Variants in PRRC2C observed in about 807,000 individuals in gnomAD.
PRRC2C encodes the protein proline rich coiled-coil 2C, also known as protein PRRC2C.
In PRRC2C, 72 loss-of-function variants were observed where a neutral mutation model predicts 317.2. The observed-to-expected ratio is 0.23, with a 90% CI of 0.19 to 0.28. The LOEUF is 0.28. PRRC2C is among the 10% of genes least tolerant of loss of function. The pLI is 1.00. For missense variants in PRRC2C, 3,074 were observed against 3,459.7 expected, an observed-to-expected ratio of 0.89 and a Z score of 2.80; for synonymous variants, 1,296 against 1,205.9, an observed-to-expected ratio of 1.07 and a Z score of -1.55.
chr1:171,582,577 C>A lies in PRRC2C; in HGVS notation c.7410-1379C>A, dbSNP rs1648886787. Among the ~76,000 whole-genome samples the A allele has an allele frequency of 3.3e-5, 5 of 152,130 alleles. No homozygotes were observed. The South Asian group carries it at 1.0e-3, about 32-fold the overall frequency. On this transcript the variant is annotated intron_variant, in intron 28 of 34. Transcript: ENST00000647382. ...CTATTGTGTCTAATTAGGCTATAAACCCGTGCAGCATTTTACTGTACTTAA... is the reference window on the plus strand; with the variant it reads ...CTATTGTGTCTAATTAGGCTATAAAACCGTGCAGCATTTTACTGTACTTAA...
chr1:171,540,939 G>C lies in PRRC2C; in HGVS notation c.3473G>C (p.Arg1158Thr). ...LVIERPRPDS[R>T]PAVKKESTLP... ...ATAGAGAGGCCTCGACCAGATTCAA[G>C]ACCAGCAGTTAAAAAAGAATCAACT... The change falls in exon 16 of 35, where the codon AGA (arginine) becomes ACA (threonine). Residue 1158 changes from arginine (R) to threonine (T), a missense_variant. Arg to Thr is a moderately conservative substitution (Grantham distance 71, BLOSUM62 -1). Coordinates refer to ENST00000647382, the MANE Select transcript of PRRC2C (RefSeq NM_001387844.1). 1 of 1,613,842 alleles carries C rather than the reference G, an allele frequency of 6.2e-7. No homozygotes were observed. Among genetic ancestry groups the C allele is most frequent in the Non-Finnish European group, 8.5e-7 (1 of 1,179,846 alleles).
At chr1:171,496,479 A>C (rs1353207157) in intron 1 of PRRC2C, among the ~76,000 whole-genome samples, 1 of 152,148 alleles carries the variant, frequency 6.6e-6, no homozygotes, top group Non-Finnish European at 1.5e-5. Flanking sequence ...CTAGGATTAC[A>C]GATGTGAGCC....
In PRRC2C at chr1:171,583,898, T is replaced by A. The variant is rs186123644; in HGVS notation, c.7410-58T>A. The A allele has an allele frequency of 1.1e-3, 1,556 of 1,457,522 alleles. 6 individuals are homozygous for A. Among genetic ancestry groups the A allele is most frequent in the Non-Finnish European group, 1.2e-3 (1,277 of 1,054,710 alleles). 90.3% of individuals were successfully genotyped at this position (1,457,522 alleles called of 1,614,324 possible). A position where few individuals can be genotyped will look rare whatever the true frequency, so the allele number is the denominator to read the frequency against. On this transcript the variant is annotated intron_variant, in intron 28 of 34. Transcript: ENST00000647382. ...CATTTGGGATTTGCATTCTTAAGAT[T>A]TTCAGATTCCAGATGAAATTAACTT...
rs775939341 is a variant in PRRC2C, at chr1:171,587,679, G to A, written c.8000G>A (p.Ser2667Asn). ...MSEMELKAFG[S>N]GIDIKPGTPP... ...GAAATGGAACTAAAAGCCTTTGGAA[G>A]TGGCATTGATATAAAACCAGGCACA... Residue 2667 changes from serine to asparagine, a missense_variant, in exon 32 of 35, where the codon AGT becomes AAT. Transcript: ENST00000647382. 2 of 1,612,990 alleles carry A rather than the reference G, an allele frequency of 1.2e-6. No individual in the cohort carries two copies. Among genetic ancestry groups the A allele is most frequent in the Non-Finnish European group, 1.7e-6 (2 of 1,179,082 alleles).
intron 6 of PRRC2C, 86 bp from the exon 7 acceptor site, chr1:171,522,091 C>G (rs530272739): frequency 4.2e-5 from 23 of 546,418 alleles, no homozygotes; most frequent in Non-Finnish European, 6.9e-5. Flanking sequence ...TAACTTCAGG[C>G]CTAGGCTCAG....
At position 171,517,788 on chromosome 1, in the gene PRRC2C, C is replaced by G; in HGVS notation, c.724C>G (p.Gln242Glu). ...LNGQQAALAS[Q>E]YRAMMPPYMF... ...TGGACAGCAGGCTGCTCTCGCTTCC[C>G]AGTATAGAGCTATGATGCCTCCTTA... is the stretch of plus-strand genomic sequence containing the variant. Residue 242 changes from glutamine (Q) to glutamate (E), a missense_variant, in exon 6 of 35, where the codon CAG (glutamine) becomes GAG (glutamate). By Grantham distance (29) the Gln-to-Glu change is conservative. This residue lies in a region of PRRC2C where 237 missense variants were observed against 199.5 expected (regional missense o/e 1.19). Coordinates refer to ENST00000647382, the MANE Select transcript of PRRC2C (RefSeq NM_001387844.1). 6.2e-7 allele frequency: 1 copy of G among 1,613,280 alleles called. No homozygotes were observed. The highest frequency in any genetic ancestry group is 8.5e-7 in the Non-Finnish European group (1 of 1,179,814).
At chr1:171,495,824 C>T (rs1393685044) in intron 1 of PRRC2C, among the ~76,000 whole-genome samples, 2 of 152,018 alleles carry the variant, frequency 1.3e-5, no homozygotes, top group Non-Finnish European at 2.9e-5. Context: ...GTTCAGGCTG[C>T]CATAACAAAA....
chr1:171,572,858 T>C (rs1488211947), intron 24 of PRRC2C, among the ~76,000 whole-genome samples: 2 of 152,258 alleles, frequency 1.3e-5, no homozygotes, highest in African/African-American at 4.8e-5. Flanking sequence ...AGAAGAAATA[T>C]ACACATTGAG....
intron 11 of PRRC2C, among the ~76,000 whole-genome samples, chr1:171,530,809 T>C (rs1465716856): frequency 1.3e-5 from 2 of 152,182 alleles, no homozygotes; most frequent in East Asian, 1.9e-4. Flanking sequence ...TGGAAAACCT[T>C]ATAACCACTT....
At chr1:171,509,844 CTTTTTTTTTTTTTTTTT>C (rs11363110) in intron 1 of PRRC2C, 5 of 59,770 alleles carry the variant, frequency 8.4e-5, no homozygotes, top group Non-Finnish European at 1.1e-4. Flanking sequence ...AACATTGTTT[CTTTTTTTTTTTTTTTTT>C]TTTTTTTTGA....
At position 171,493,159 on chromosome 1, in the gene PRRC2C, A is replaced by C. The variant is rs187515049; in HGVS notation, c.-58+7424A>C. ...GTGGTAGAAGAAGAGGGCCAATGAT[A>C]CGGAGGGATGTTAACCAATTCTCTA... On this transcript the variant is annotated intron_variant, in intron 1 of 34. Coordinates refer to ENST00000647382, the MANE Select transcript of PRRC2C (RefSeq NM_001387844.1). Among the ~76,000 whole-genome samples, 37 of 152,316 alleles carry C rather than the reference A, an allele frequency of 2.4e-4. No individual in the cohort carries two copies. In the East Asian group the frequency reaches 7.1e-3, roughly 29 times the overall value.
chr1:171,576,302 G>C (rs972340396), intron 25 of PRRC2C, among the ~76,000 whole-genome samples: 3 of 152,034 alleles, frequency 2.0e-5, no homozygotes, highest in African/African-American at 7.2e-5. Flanking sequence ...CAACTAACCC[G>C]TTTCCCCAGG....
intron 1 of PRRC2C, among the ~76,000 whole-genome samples, chr1:171,507,197 A>T (rs1468264871): frequency 6.6e-6 from 1 of 152,184 alleles, no homozygotes; most frequent in African/African-American, 2.4e-5. Flanking sequence ...CTTGGGCAAC[A>T]TAGTGAGACT....
intron 34 of PRRC2C, 135 bp downstream of exon 34, chr1:171,589,740 A>C: frequency 2.4e-6 from 1 of 425,148 alleles, no homozygotes; most frequent in Non-Finnish European, 3.7e-6. Flanking sequence ...ACTTTTATTC[A>C]TTCCCCCTTT....
At chr1:171,551,894 A>G (rs946009942) in intron 18 of PRRC2C, among the ~76,000 whole-genome samples, 2 of 152,170 alleles carry the variant, frequency 1.3e-5, no homozygotes, top group Non-Finnish European at 2.9e-5. Flanking sequence ...GTCAGGTAGC[A>G]TGATGCCTCC....
chr1:171,559,681 C>T (rs1682274575), intron 19 of PRRC2C, among the ~76,000 whole-genome samples: 1 of 151,982 alleles, frequency 6.6e-6, no homozygotes, highest in African/African-American at 2.4e-5. Context: ...GTCACCATGC[C>T]TGGCTAATTT....
chr1:171,571,211 C>T, intron 23 of PRRC2C, 109 bp from the exon 24 acceptor site: 2 of 573,878 alleles, frequency 3.5e-6, no homozygotes, highest in East Asian at 3.0e-5. Context: ...TTTCTGTTAG[C>T]TCTGATGAAA....
Position 171,566,804 on chromosome 1 carries a change from G to A in PRRC2C, c.6519G>A (p.Met2173Ile). The A allele has an allele frequency of 6.2e-7, 1 of 1,613,776 alleles. No individual in the cohort carries two copies. Among genetic ancestry groups the A allele is most frequent in the Non-Finnish European group, 8.5e-7 (1 of 1,179,842 alleles). ...AAATGTCTACTGAAATAGGAACAATGATCTCGGTATCATCTGCAGAATATG... is the reference window on the plus strand; with the variant it reads ...AAATGTCTACTGAAATAGGAACAATAATCTCGGTATCATCTGCAGAATATG... ...VSEMSTEIGT[M>I]ISVSSAEYGT... Residue 2173 changes from methionine (M) to isoleucine (I), a missense_variant, in exon 22 of 35, where the codon ATG (methionine) becomes ATA (isoleucine). By Grantham distance (10) the Met-to-Ile change is conservative. Around this residue, in one of 11 missense-constraint regions of PRRC2C, gnomAD observed 640 missense variants for 676.1 expected, o/e 0.95. Coordinates refer to ENST00000647382, the MANE Select transcript of PRRC2C (RefSeq NM_001387844.1).
At chr1:171,552,370 G>A (rs530167054) in intron 18 of PRRC2C, among the ~76,000 whole-genome samples, 62 of 152,226 alleles carry the variant, frequency 4.1e-4, no homozygotes, top group Admixed American at 9.2e-4. Flanking sequence ...GGGCTGAGAC[G>A]ATGGGGTTTT....
Sources: gnomAD v4.1 joint callset for allele counts (sites outside exome capture counted in the v4.1 genomes callset) on GRCh38, gnomAD v4.1.1 for gene constraint, gnomAD v4.1.1 regional missense constraint, MANE v1.5 for transcripts, NCBI Gene and HGNC (gene_info 2026-07-23, HGNC 2026-07-21) for gene names.